Variants in HDAC9 observed in about 807,000 individuals in gnomAD.
The protein encoded by HDAC9 is MEF-2 interacting transcription repressor (MITR) protein.
HDAC9 carries 41 observed loss-of-function variants against 139.4 expected under a neutral mutation model. The observed-to-expected ratio is 0.29, with a 90% CI of 0.23 to 0.38. The LOEUF (loss-of-function observed/expected upper bound fraction) is 0.38, where lower values mean the gene tolerates loss of function less well. Ranked by LOEUF, HDAC9 falls within the 10% of genes least tolerant of loss-of-function variation. HDAC9 has a pLI of 1.00. For synonymous variants in HDAC9, 517 were observed against 476.2 expected, an observed-to-expected ratio of 1.09 and a Z score of -1.12; for missense variants, 1,147 against 1,297.0, an observed-to-expected ratio of 0.88 and a Z score of 1.78.
At chr7:18,729,769 T>C (rs563969463) in intron 13 of HDAC9, among the ~76,000 whole-genome samples, 36 of 152,322 alleles carry the variant, frequency 2.4e-4, no homozygotes, top group African/African-American at 8.7e-4. Context: ...ATTCTTTTTA[T>C]ATATAATGGA....
At chr7:18,831,402 T>C (rs1261195022) in intron 19 of HDAC9, among the ~76,000 whole-genome samples, 2 of 152,212 alleles carry the variant, frequency 1.3e-5, no homozygotes, top group African/African-American at 4.8e-5. Flanking sequence ...AAAAATCTGA[T>C]ACGATTTATA....
intron 1 of HDAC9, among the ~76,000 whole-genome samples, chr7:18,303,857 G>C (rs144478008): frequency 1.3e-5 from 2 of 150,588 alleles, no homozygotes; most frequent in Non-Finnish European, 3.0e-5. Context: ...TTTTGGTCCA[G>C]TGTCAACCTT....
intron 1 of HDAC9, among the ~76,000 whole-genome samples, chr7:18,145,389 G>GGTTTCA (rs1206145890): frequency 4.9e-4 from 75 of 152,312 alleles, no homozygotes; most frequent in African/African-American, 1.7e-3. Flanking sequence ...CAAGTTGACT[G>GGTTTCA]AGCTGGTAAG....
intron 2 of HDAC9, among the ~76,000 whole-genome samples, chr7:18,554,459 C>T (rs1049799190): frequency 6.6e-6 from 1 of 151,504 alleles, no homozygotes; most frequent in East Asian, 2.0e-4. Flanking sequence ...CCTCAGCCTC[C>T]GGAGTAGCTG....
chr7:18,309,146 G>A (rs186781035), intron 1 of HDAC9, among the ~76,000 whole-genome samples: 5 of 152,272 alleles, frequency 3.3e-5, no homozygotes, highest in East Asian at 1.9e-4. Context: ...GTTCTATGGC[G>A]TTTGGGAGGA....
intron 1 of HDAC9, among the ~76,000 whole-genome samples, chr7:18,336,908 C>G (rs1179813021): frequency 6.6e-6 from 1 of 151,480 alleles, no homozygotes; most frequent in Non-Finnish European, 1.5e-5. Context: ...GTAACTAAAA[C>G]TAATTTTGTC....
chr7:18,553,758 C>A (rs751558252), intron 2 of HDAC9, among the ~76,000 whole-genome samples: 5 of 152,192 alleles, frequency 3.3e-5, no homozygotes, highest in Admixed American at 1.3e-4. Context: ...GTGGCTGCCA[C>A]TGATTTTATC....
chr7:18,750,406 C>CATGT (rs2308213), intron 14 of HDAC9, among the ~76,000 whole-genome samples: 43,887 of 151,794 alleles, frequency 0.29, 7,182 homozygotes, highest in East Asian at 0.65. Context: ...ACCACAACAC[C>CATGT]ATGTACAGAT....
At chr7:18,943,010 AG>A (rs1255338256) in intron 23 of HDAC9, among the ~76,000 whole-genome samples, 7 of 152,096 alleles carry the variant, frequency 4.6e-5, no homozygotes, top group African/African-American at 1.7e-4. Context: ...AGATTAAAAA[AG>A]CAAATAAAGA....
intron 6 of HDAC9, among the ~76,000 whole-genome samples, 189 bp downstream of exon 6, chr7:18,594,218 A>G (rs1831821122): frequency 6.6e-6 from 1 of 152,128 alleles, no homozygotes. Context: ...GATTCATGAC[A>G]TAATCAAAAT....
rs185503659 is a variant in HDAC9, at chr7:18,454,225, G to A, written c.-41-42037G>A. Among the ~76,000 whole-genome samples, 181 of 151,960 alleles carry A rather than the reference G, an allele frequency of 1.2e-3. 3 individuals are homozygous for A. The highest frequency in any genetic ancestry group is 7.2e-4 in the Non-Finnish European group (49 of 67,908). ...AAATCAGAGATTTTTTTACTTTTGG[G>A]CTCAAAAAATTGAAGTTCTTCTTGG... On this transcript the variant is annotated intron_variant, in intron 1 of 3. Transcript: ENST00000413509.
intron 1 of HDAC9, among the ~76,000 whole-genome samples, chr7:18,324,321 T>G (rs1271406848): frequency 6.6e-6 from 1 of 152,140 alleles, no homozygotes; most frequent in African/African-American, 2.4e-5. Context: ...AGCTTTCAAA[T>G]TAGGCAAACC....
intron 12 of HDAC9, among the ~76,000 whole-genome samples, chr7:18,716,170 C>T (rs1784685758): frequency 6.6e-6 from 1 of 152,184 alleles, no homozygotes; most frequent in Non-Finnish European, 1.5e-5. Context: ...TATTGTTCAT[C>T]CTGTACTGTC....
At chr7:18,775,041 G>A (rs1051331861) in intron 16 of HDAC9, among the ~76,000 whole-genome samples, 3 of 151,962 alleles carry the variant, frequency 2.0e-5, no homozygotes, top group African/African-American at 7.2e-5. Flanking sequence ...GAATATTAGG[G>A]AATAGGGAGG....
At chr7:18,756,412 T>C (rs527573983) in intron 14 of HDAC9, among the ~76,000 whole-genome samples, 1 of 152,346 alleles carries the variant, frequency 6.6e-6, no homozygotes, top group South Asian at 2.1e-4. Flanking sequence ...CTCTTATTTT[T>C]CAATTATGAT....
intron 1 of HDAC9, among the ~76,000 whole-genome samples, chr7:18,311,293 AT>A (rs1170646656): frequency 6.6e-6 from 1 of 152,082 alleles, no homozygotes; most frequent in Non-Finnish European, 1.5e-5. Flanking sequence ...AAAAATTGAG[AT>A]TTGGTACATA....
At chr7:18,419,374 G>T (rs1789402384) in intron 1 of HDAC9, among the ~76,000 whole-genome samples, 1 of 152,160 alleles carries the variant, frequency 6.6e-6, no homozygotes, top group African/African-American at 2.4e-5. Flanking sequence ...AAGAAATTGA[G>T]GCTTAAAGAG....
intron 21 of HDAC9, among the ~76,000 whole-genome samples, chr7:18,859,460 C>T (rs568841406): frequency 6.6e-6 from 1 of 151,864 alleles, no homozygotes; most frequent in Admixed American, 6.6e-5. Flanking sequence ...TCTTCTCAGT[C>T]TCTTTCTGGC....
chr7:18,234,783 C>G lies in HDAC9; in HGVS notation c.25+72434C>G, dbSNP rs147135350. 3.9e-5 allele frequency among the ~76,000 whole-genome samples: 6 copies of G among 152,268 alleles called. 1 individual carries two copies. The highest frequency in any genetic ancestry group is 5.9e-5 in the Non-Finnish European group (4 of 68,014). On this transcript the variant is annotated intron_variant, in intron 2 of 12. Coordinates refer to the HDAC9 transcript ENST00000417496. Reference sequence around the variant, plus strand: ...CAAAATCCCTCCATTTGAGAAACCACAGAAGTAAGTTTGAAGGCCAAGGAT... The same window carrying G: ...CAAAATCCCTCCATTTGAGAAACCAGAGAAGTAAGTTTGAAGGCCAAGGAT...
Sources: gnomAD v4.1 joint callset for allele counts (sites outside exome capture counted in the v4.1 genomes callset) on GRCh38, gnomAD v4.1.1 for gene constraint, MANE v1.5 for transcripts, NCBI Gene and HGNC (gene_info 2026-07-23, HGNC 2026-07-21) for gene names.